Variants in CERKL observed in about 807,000 individuals in gnomAD.
The protein encoded by CERKL is CERK like autophagy regulator.
In CERKL, 61 loss-of-function variants were observed where a neutral mutation model predicts 63.4. That is an observed-to-expected ratio of 0.96 (90% CI 0.78 to 1.19). The LOEUF is 1.19. Among genes scored for constraint, CERKL ranks in the 50% most tolerant of loss-of-function variants. CERKL has a pLI of 0.00. For missense variants in CERKL, 675 were observed against 655.5 expected, an observed-to-expected ratio of 1.03 and a Z score of -0.33; for synonymous variants, 250 against 230.5, an observed-to-expected ratio of 1.08 and a Z score of -0.77.
intron 1 of CERKL, among the ~76,000 whole-genome samples, chr2:181,648,347 T>C (rs1301590677): frequency 6.6e-6 from 1 of 152,128 alleles, no homozygotes; most frequent in Non-Finnish European, 1.5e-5. Flanking sequence ...ATCAGTAACA[T>C]TAAATTACTG....
At chr2:181,610,651 A>C (rs1313210575) in intron 1 of CERKL, among the ~76,000 whole-genome samples, 1 of 152,184 alleles carries the variant, frequency 6.6e-6, no homozygotes, top group Non-Finnish European at 1.5e-5. Context: ...AATCTGAGGG[A>C]TCTGATCCTG....
intron 1 of CERKL, among the ~76,000 whole-genome samples, chr2:181,617,041 G>C (rs896486987): frequency 6.6e-6 from 1 of 152,138 alleles, no homozygotes; most frequent in Non-Finnish European, 1.5e-5. Flanking sequence ...AAGAAATAGT[G>C]GGTAAAACTC....
intron 11 of CERKL, among the ~76,000 whole-genome samples, chr2:181,539,747 T>C (rs1687408030): frequency 6.6e-6 from 1 of 152,182 alleles, no homozygotes; most frequent in African/African-American, 2.4e-5. Context: ...CAATCAAATA[T>C]GGATTTTAAA....
chr2:181,612,864 T>A (rs1206235439), intron 1 of CERKL, among the ~76,000 whole-genome samples: 1 of 152,108 alleles, frequency 6.6e-6, no homozygotes, highest in African/African-American at 2.4e-5. Context: ...TATAAGATAT[T>A]ATAAAGAAAA....
At position 181,537,810 on chromosome 2, in the gene CERKL, C is replaced by T; in HGVS notation, c.*374G>A. ...ATATTTCATCTTGACTTTTAAAGCC[C>T]TAGAGGCTAATTGTTAGTAACATCA... On this transcript the variant is annotated 3_prime_UTR_variant, in exon 13 of 13. Transcript: ENST00000410087. The T allele has an allele frequency of 2.1e-6, 1 of 471,300 alleles. No homozygotes were observed. The highest frequency in any genetic ancestry group is 4.2e-6 in the Non-Finnish European group (1 of 238,642). The allele number at this position is 471,300 out of a possible 1,614,324, so 29.2% of individuals were successfully genotyped here.
intron 1 of CERKL, among the ~76,000 whole-genome samples, chr2:181,625,222 G>A (rs60942778): frequency 0.22 from 33,470 of 152,000 alleles, 6,664 homozygotes; most frequent in African/African-American, 0.54. Context: ...CAGACTCTTA[G>A]TAGGTCAAGT....
chr2:181,552,371 T>C lies in CERKL; in HGVS notation c.821-2663A>G, dbSNP rs139409166. Among the ~76,000 whole-genome samples, 409 of 152,262 alleles carry C rather than the reference T, an allele frequency of 2.7e-3. 1 individual carries two copies. The highest frequency in any genetic ancestry group is 9.6e-3 in the African/African-American group (400 of 41,564). Reference sequence around the variant, plus strand: ...CACGGGGGTGGTTTCCCCCATGCTGTTCTTGTGATAGTGAGTGAGTTCTCA... The same window carrying C: ...CACGGGGGTGGTTTCCCCCATGCTGCTCTTGTGATAGTGAGTGAGTTCTCA... On this transcript the variant is annotated intron_variant, in intron 5 of 12. Transcript: ENST00000410087.
At chr2:181,637,424 T>G (rs1687225919) in intron 1 of CERKL, among the ~76,000 whole-genome samples, 1 of 152,148 alleles carries the variant, frequency 6.6e-6, no homozygotes. Context: ...TAGTACATAA[T>G]GGATTTTGAT....
chr2:181,588,459 A>G (rs1484110188), intron 2 of CERKL, among the ~76,000 whole-genome samples: 1 of 152,202 alleles, frequency 6.6e-6, no homozygotes, highest in African/African-American at 2.4e-5. Context: ...ATGGTATCCC[A>G]TTGTGTATAC....
At chr2:181,561,760 C>A (rs926029187) in intron 4 of CERKL, among the ~76,000 whole-genome samples, 9 of 152,064 alleles carry the variant, frequency 5.9e-5, no homozygotes, top group African/African-American at 2.2e-4. Flanking sequence ...ATCTACATAA[C>A]AAGAACCTGT....
chr2:181,559,447 CAATGG>C (rs1688343708), intron 4 of CERKL, among the ~76,000 whole-genome samples: 1 of 152,052 alleles, frequency 6.6e-6, no homozygotes, highest in Non-Finnish European at 1.5e-5. Flanking sequence ...CCAGTTAACC[CAATGG>C]AAAGTGGATT....
chr2:181,537,364 G>GAACACAATTACA lies in CERKL; in HGVS notation c.*808_*819dup, dbSNP rs1464807952. ...AACACAGGCCTCTCAGATACAAGGG[G>GAACACAATTACA]AACACAATTACATATTGGGCTAGAT... On this transcript the variant is annotated 3_prime_UTR_variant, in exon 13 of 13. Coordinates refer to ENST00000410087, the MANE Select transcript of CERKL (RefSeq NM_201548.5). 1 of 453,754 alleles carries GAACACAATTACA rather than the reference G, an allele frequency of 2.2e-6. No individual in the cohort carries two copies. The highest frequency in any genetic ancestry group is 4.4e-6 in the Non-Finnish European group (1 of 226,696). 28.1% of individuals were successfully genotyped at this position (453,754 alleles called of 1,614,324 possible). A position where few individuals can be genotyped will look rare whatever the true frequency, so the allele number is the denominator to read the frequency against.
At chr2:181,651,209 A>G (rs1687922661) in intron 1 of CERKL, among the ~76,000 whole-genome samples, 1 of 152,212 alleles carries the variant, frequency 6.6e-6, no homozygotes, top group African/African-American at 2.4e-5. Context: ...CCAAAATCAG[A>G]TAACAATACA....
intron 1 of CERKL, among the ~76,000 whole-genome samples, chr2:181,638,600 C>T (rs1009253547): frequency 6.6e-6 from 1 of 152,086 alleles, no homozygotes; most frequent in African/African-American, 2.4e-5. Flanking sequence ...TGCTAGGATC[C>T]ATCTTTGAGG....
intron 1 of CERKL, among the ~76,000 whole-genome samples, chr2:181,623,043 T>C (rs908213785): frequency 1.3e-5 from 2 of 152,218 alleles, no homozygotes; most frequent in Admixed American, 6.5e-5. Context: ...TAAGTTCCTC[T>C]ATGTAAGGAA....
chr2:181,576,540 A>G (rs1684227161), intron 2 of CERKL, among the ~76,000 whole-genome samples: 2 of 152,276 alleles, frequency 1.3e-5, no homozygotes, highest in Admixed American at 6.5e-5. Context: ...CGAGCCTTAC[A>G]GGCATTTACA....
chr2:181,603,967 T>A lies in CERKL; in HGVS notation c.351A>T (p.Leu117Phe). 1 of 1,613,408 alleles carries A rather than the reference T, an allele frequency of 6.2e-7. No individual in the cohort carries two copies. Among genetic ancestry groups the A allele is most frequent in the Non-Finnish European group, 8.5e-7 (1 of 1,179,704 alleles). The change falls in exon 2 of 13, where the codon TTA (leucine) becomes TTT (phenylalanine). Residue 117 changes from leucine to phenylalanine, a missense_variant. By Grantham distance (22) the Leu-to-Phe change is conservative. Coordinates refer to ENST00000410087, the MANE Select transcript of CERKL (RefSeq NM_201548.5). Reference sequence around the variant, plus strand: ...AGCAGATGAAGAGTGTGATACCTAATAAAGTACCACTTCTCTGCTGTTTAA... The same window carrying A: ...AGCAGATGAAGAGTGTGATACCTAAAAAAGTACCACTTCTCTGCTGTTTAA... ...CSVKQQRSGT[L>F]LGITLFICLK...
chr2:181,640,429 G>C (rs1574058301), intron 1 of CERKL, among the ~76,000 whole-genome samples: 1 of 152,178 alleles, frequency 6.6e-6, no homozygotes, highest in African/African-American at 2.4e-5. Context: ...AATACGGTCA[G>C]AAGTCTGTGT....
At chr2:181,541,955 G>A (rs1687525112) in intron 11 of CERKL, among the ~76,000 whole-genome samples, 2 of 152,150 alleles carry the variant, frequency 1.3e-5, no homozygotes, top group South Asian at 4.1e-4. Context: ...GAAGACAGAG[G>A]TCCTGCAGAT....
Sources: allele counts gnomAD v4.1 joint callset (sites outside exome capture counted in the v4.1 genomes callset), GRCh38; gene constraint gnomAD v4.1.1; transcripts MANE v1.5; gene names NCBI Gene and HGNC (gene_info 2026-07-23, HGNC 2026-07-21).